Variants in NAALADL2 observed in about 807,000 individuals in gnomAD.
The protein encoded by NAALADL2 is N-acetylated alpha-linked acidic dipeptidase like 2, also known as inactive N-acetylated-alpha-linked acidic dipeptidase-like protein 2.
A neutral mutation model predicts 87.2 loss-of-function variants in NAALADL2; 76 were observed. The ratio of observed to expected loss-of-function variants is 0.87; its 90% CI spans 0.72 to 1.05. NAALADL2 has a LOEUF of 1.05. NAALADL2 is among the 50% of genes least tolerant of loss of function. The pLI is 0.00. For missense variants in NAALADL2, 1,089 were observed against 945.8 expected (o/e 1.15, Z -1.99); for synonymous variants, 354 against 331.0 (o/e 1.07, Z -0.75).
At chr3:175,740,159 G>A (rs1046764488) in intron 12 of NAALADL2, among the ~76,000 whole-genome samples, 1 of 152,144 alleles carries the variant, frequency 6.6e-6, no homozygotes, top group African/African-American at 2.4e-5. Flanking sequence ...ATAACCAGAG[G>A]CCAAGTGGAT....
intron 3 of NAALADL2, among the ~76,000 whole-genome samples, chr3:174,811,073 C>T (rs112057699): frequency 6.6e-6 from 1 of 152,172 alleles, no homozygotes; most frequent in African/African-American, 2.4e-5. Context: ...TAGGAGCCTC[C>T]ACCTAGATTG....
At chr3:174,992,554 G>T (rs914419672) in intron 1 of NAALADL2, among the ~76,000 whole-genome samples, 1 of 152,010 alleles carries the variant, frequency 6.6e-6, no homozygotes, top group Non-Finnish European at 1.5e-5. Flanking sequence ...AGCAGAAATA[G>T]AATTTATTTC....
chr3:175,090,226 T>C (rs1189863753), intron 1 of NAALADL2, among the ~76,000 whole-genome samples: 3 of 152,040 alleles, frequency 2.0e-5, no homozygotes, highest in African/African-American at 7.2e-5. Context: ...TTTTGTGATA[T>C]TAGTGAGACT....
At chr3:174,495,603 G>A (rs997318662) in intron 1 of NAALADL2, among the ~76,000 whole-genome samples, 30 of 152,118 alleles carry the variant, frequency 2.0e-4, no homozygotes, top group African/African-American at 7.0e-4. Context: ...TATCACACAG[G>A]TTATGTTGGA....
At chr3:175,282,913 T>C (rs974494389) in intron 4 of NAALADL2, among the ~76,000 whole-genome samples, 1 of 144,064 alleles carries the variant, frequency 6.9e-6, no homozygotes, top group African/African-American at 2.6e-5. Context: ...TCTGTCTTCT[T>C]TTTTTTTTTT....
intron 11 of NAALADL2, among the ~76,000 whole-genome samples, chr3:175,706,890 A>G (rs1739803189): frequency 1.3e-5 from 2 of 152,090 alleles, no homozygotes; most frequent in Admixed American, 1.3e-4. Context: ...ACTCATAATA[A>G]TGATCATATG....
At chr3:174,801,473 T>C (rs1455103644) in intron 3 of NAALADL2, among the ~76,000 whole-genome samples, 1 of 152,176 alleles carries the variant, frequency 6.6e-6, no homozygotes, top group Non-Finnish European at 1.5e-5. Flanking sequence ...TTTCTTTCTT[T>C]TGTAAATTGC....
intron 9 of NAALADL2, among the ~76,000 whole-genome samples, chr3:175,550,431 CTT>C (rs1431104796): frequency 6.6e-6 from 1 of 152,016 alleles, no homozygotes; most frequent in Non-Finnish European, 1.5e-5. Flanking sequence ...AAAATAGTAA[CTT>C]GACTAGGTAG....
intron 5 of NAALADL2, among the ~76,000 whole-genome samples, chr3:175,372,324 T>C (rs1048519752): frequency 6.6e-5 from 10 of 152,240 alleles, no homozygotes; most frequent in African/African-American, 2.4e-4. Flanking sequence ...GTCTGTGCAT[T>C]CTCTATATCT....
rs940829255 is a variant in NAALADL2 at position 174,464,175 on chromosome 3, G to A, written c.-184+23143G>A. 3.2e-4 allele frequency among the ~76,000 whole-genome samples: 48 copies of A among 151,834 alleles called. 2 individuals are homozygous for A. On this transcript the variant is annotated intron_variant, in intron 1 of 3. Coordinates refer to the NAALADL2 transcript ENST00000434257. ...ATATTGGCCTTATTTTCTTTGGTTT[G>A]GAAACTGATTTCACGAACTAATGTT...
intron 4 of NAALADL2, among the ~76,000 whole-genome samples, chr3:175,273,361 C>T (rs901689328): frequency 6.6e-6 from 1 of 151,958 alleles, no homozygotes; most frequent in East Asian, 1.9e-4. Context: ...TGCAAGTAAC[C>T]AAGGCAATTT....
intron 2 of NAALADL2, among the ~76,000 whole-genome samples, chr3:174,608,169 G>A (rs1719337993): frequency 6.6e-6 from 1 of 151,794 alleles, no homozygotes; most frequent in Non-Finnish European, 1.5e-5. Context: ...TCAAAGCAGT[G>A]TGTAGAGGGA....
At chr3:174,471,117 T>C (rs1209223104) in intron 1 of NAALADL2, among the ~76,000 whole-genome samples, 1 of 152,148 alleles carries the variant, frequency 6.6e-6, no homozygotes, top group Non-Finnish European at 1.5e-5. Context: ...TGTCTATTAA[T>C]TTGATGGTTA....
At chr3:175,577,756 T>G (rs546826496) in intron 10 of NAALADL2, among the ~76,000 whole-genome samples, 2 of 152,334 alleles carry the variant, frequency 1.3e-5, no homozygotes, top group Admixed American at 1.3e-4. Context: ...TGGGAGAATT[T>G]TTAAAATGGA....
At chr3:174,543,331 G>T (rs1277866670) in intron 1 of NAALADL2, among the ~76,000 whole-genome samples, 1 of 152,074 alleles carries the variant, frequency 6.6e-6, no homozygotes, top group Non-Finnish European at 1.5e-5. Context: ...TAATGGGGGA[G>T]TGAATGAAGA....
At chr3:175,276,554 C>T (rs1292411197) in intron 4 of NAALADL2, among the ~76,000 whole-genome samples, 2 of 152,066 alleles carry the variant, frequency 1.3e-5, no homozygotes, top group African/African-American at 4.8e-5. Context: ...CTGCCCACCT[C>T]GGCCTCCCAA....
At chr3:174,967,661 T>A (rs1159115607) in intron 1 of NAALADL2, among the ~76,000 whole-genome samples, 1 of 152,104 alleles carries the variant, frequency 6.6e-6, no homozygotes, top group Non-Finnish European at 1.5e-5. Flanking sequence ...AGAGGCTGTG[T>A]AAAGAGAGAA....
intron 2 of NAALADL2, among the ~76,000 whole-genome samples, chr3:175,178,507 G>C (rs2108968457): frequency 6.6e-6 from 1 of 152,118 alleles, no homozygotes; most frequent in South Asian, 2.1e-4. Flanking sequence ...GTTTATTACA[G>C]ATAGAGTCCA....
intron 1 of NAALADL2, among the ~76,000 whole-genome samples, chr3:175,038,251 A>C (rs965976032): frequency 5.3e-5 from 8 of 152,296 alleles, no homozygotes; most frequent in Middle Eastern, 3.4e-3. Flanking sequence ...TAAAACACAA[A>C]ATTTTAGAGA....
Sources: allele counts gnomAD v4.1 joint callset (sites outside exome capture counted in the v4.1 genomes callset), GRCh38; gene constraint gnomAD v4.1.1; transcripts MANE v1.5; gene names NCBI Gene and HGNC (gene_info 2026-07-23, HGNC 2026-07-21).